Variants in C10orf67 observed in about 807,000 individuals in gnomAD.
C10orf67 encodes uncharacterized protein C10orf67, mitochondrial.
A neutral mutation model predicts 35.6 loss-of-function variants in C10orf67; 60 were observed. The observed-to-expected ratio is 1.68, with a 90% CI of 1.37 to 2.09. The LOEUF is 2.09. C10orf67 is among the 30% of genes most tolerant of loss of function. The probability of loss-of-function intolerance (pLI) is 0.00; values close to 1 mark genes in which losing one functional copy is unlikely to be tolerated. For missense variants in C10orf67, 474 were observed against 330.2 expected (o/e 1.44, Z -3.38); for synonymous variants, 167 against 115.8 (o/e 1.44, Z -2.84).
At chr10:23,224,948 G>C (rs1257638479) in intron 13 of C10orf67, among the ~76,000 whole-genome samples, 1 of 152,204 alleles carries the variant, frequency 6.6e-6, no homozygotes, top group African/African-American at 2.4e-5. Flanking sequence ...ACACTCTGCA[G>C]GATATTATCC....
At chr10:23,276,783 A>C (rs560262108) in intron 8 of C10orf67, among the ~76,000 whole-genome samples, 1 of 152,268 alleles carries the variant, frequency 6.6e-6, no homozygotes, top group South Asian at 2.1e-4. Context: ...CAATTTCCTT[A>C]TGTGGAAATT....
intron 13 of C10orf67, among the ~76,000 whole-genome samples, chr10:23,236,310 G>A (rs1271640788): frequency 6.8e-6 from 1 of 147,084 alleles, no homozygotes; most frequent in Non-Finnish European, 1.5e-5. Flanking sequence ...GCGGGTGCCT[G>A]TAATCCCAGC....
chr10:23,235,012 C>CAAAAAAAAAAAAAAAAAAAACA (rs57049730), intron 13 of C10orf67, among the ~76,000 whole-genome samples: 1 of 76,050 alleles, frequency 1.3e-5, no homozygotes, highest in African/African-American at 4.9e-5. Flanking sequence ...AATTCCATCT[C>CAAAAAAAAAAAAAAAAAAAACA]AAAAAAAAAA....
intron 4 of C10orf67, among the ~76,000 whole-genome samples, chr10:23,314,915 C>T (rs1181474430): frequency 6.6e-6 from 1 of 152,124 alleles, no homozygotes; most frequent in East Asian, 1.9e-4. Flanking sequence ...AATTTAGAAA[C>T]TTGTTCATAG....
Position 23,331,214 on chromosome 10 carries a change from A to C in C10orf67, c.327+1848T>G, listed in dbSNP as rs1323633188. 8.0e-3 allele frequency among the ~76,000 whole-genome samples: 30 copies of C among 3,734 alleles called. 2 individuals carry two copies. The highest frequency in any genetic ancestry group is 0.021 in the Admixed American group (5 of 242). The allele number at this position is 3,734 out of a possible 152,430, so 2.4% of individuals were successfully genotyped here. A position where few individuals can be genotyped will look rare whatever the true frequency, so the allele number is the denominator to read the frequency against. On this transcript the variant is annotated intron_variant, in intron 2 of 15. Coordinates refer to ENST00000636213, the MANE Select transcript of C10orf67 (RefSeq NM_001371909.1). ...GGAAGGGAAGGGAAGGGAAGAGGGA[A>C]GGGAAGGGAAGGGAGGAGGGAAGGG... is the stretch of plus-strand genomic sequence containing the variant.
intron 12 of C10orf67, among the ~76,000 whole-genome samples, chr10:23,242,801 T>C (rs978997569): frequency 5.3e-5 from 8 of 152,044 alleles, no homozygotes; most frequent in Admixed American, 2.0e-4. Context: ...GGTTCATTGG[T>C]TCAAAACAAG....
chr10:23,209,998 TA>T (rs59247961), intron 15 of C10orf67, among the ~76,000 whole-genome samples: 15,473 of 67,094 alleles, frequency 0.23, 1,037 homozygotes, highest in Admixed American at 0.32. Context: ...AGACCTTGGC[TA>T]AAAAAAAAAA....
intron 15 of C10orf67, among the ~76,000 whole-genome samples, chr10:23,205,122 G>T (rs1841123933): frequency 6.6e-6 from 1 of 152,192 alleles, no homozygotes; most frequent in African/African-American, 2.4e-5. Flanking sequence ...TGGTTGGGAG[G>T]TTCAAAGTGG....
chr10:23,328,498 A>C (rs1195925375), intron 2 of C10orf67, among the ~76,000 whole-genome samples: 1 of 152,190 alleles, frequency 6.6e-6, no homozygotes, highest in Non-Finnish European at 1.5e-5. Flanking sequence ...AGCAAAAGTC[A>C]GGCACTAATG....
At chr10:23,276,489 A>G (rs1189657381) in intron 8 of C10orf67, among the ~76,000 whole-genome samples, 3 of 152,002 alleles carry the variant, frequency 2.0e-5, no homozygotes, top group Admixed American at 6.6e-5. Flanking sequence ...CCCTATAAAT[A>G]TATAAAGTGG....
intron 8 of C10orf67, among the ~76,000 whole-genome samples, chr10:23,268,782 C>T (rs11013359): frequency 0.19 from 28,601 of 152,232 alleles, 2,965 homozygotes; most frequent in Admixed American, 0.29. Context: ...GCCCACTACA[C>T]GCCTAGACTT....
chr10:23,242,343 A>G (rs1842206369), intron 12 of C10orf67, among the ~76,000 whole-genome samples: 1 of 152,210 alleles, frequency 6.6e-6, no homozygotes, highest in Non-Finnish European at 1.5e-5. Context: ...TTTCTTCAAT[A>G]ATGAAGATAA....
At chr10:23,336,901 A>T (rs1426759797) in intron 1 of C10orf67, among the ~76,000 whole-genome samples, 1 of 152,220 alleles carries the variant, frequency 6.6e-6, no homozygotes, top group Non-Finnish European at 1.5e-5. Context: ...GAATAAAAGT[A>T]TATAAAATTA....
chr10:23,291,255 A>T lies in C10orf67; in HGVS notation c.727T>A (p.Ser243Thr). 1.4e-6 allele frequency: 1 copy of T among 715,130 alleles called. No individual in the cohort carries two copies. Among genetic ancestry groups the T allele is most frequent in the Non-Finnish European group, 2.6e-6 (1 of 384,584 alleles). The allele number at this position is 715,130 out of a possible 1,614,324, so 44.3% of individuals were successfully genotyped here. A position where few individuals can be genotyped will look rare whatever the true frequency, so the allele number is the denominator to read the frequency against. ...TCCTTTTCTAGGTTTGATTTTGGAG[A>T]GCTGGTTTCTTTGGCAAAAGATTCC... The part of the protein sequence containing the change: ...KMESFAKETS[S>T]PKSNLEKENL... Residue 243 changes from serine to threonine, a missense_variant, in exon 6 of 16, where the codon TCT becomes ACT. Coordinates refer to ENST00000636213, the MANE Select transcript of C10orf67 (RefSeq NM_001371909.1).
intron 4 of C10orf67, among the ~76,000 whole-genome samples, chr10:23,310,404 T>G (rs1844454307): frequency 6.6e-6 from 1 of 152,198 alleles, no homozygotes; most frequent in South Asian, 2.1e-4. Flanking sequence ...AATTTGAGAT[T>G]CTCCAACTAT....
chr10:23,223,887 T>A, intron 13 of C10orf67, 69 bp from the exon 14 acceptor site: 1 of 704,172 alleles, frequency 1.4e-6, no homozygotes, highest in Non-Finnish European at 2.6e-6. Context: ...TGGACGTTAA[T>A]GTTCTCCAGC....
In C10orf67 at chr10:23,228,183, C is replaced by A. The variant is rs187163511; in HGVS notation, c.1435-4365G>T. ...CTGGAGGCATCACACTACCTGACTT[C>A]AAACTATACTACAAGGCTACAGTAA... On this transcript the variant is annotated intron_variant, in intron 13 of 15. Transcript: ENST00000636213. Among the ~76,000 whole-genome samples, 1,381 of 152,294 alleles carry A rather than the reference C, an allele frequency of 9.1e-3. 13 individuals are homozygous for A. Among genetic ancestry groups the A allele is most frequent in the Non-Finnish European group, 0.012 (798 of 68,028 alleles).
At chr10:23,236,976 T>A (rs1842067416) in intron 13 of C10orf67, among the ~76,000 whole-genome samples, 1 of 152,180 alleles carries the variant, frequency 6.6e-6, no homozygotes, top group Admixed American at 6.6e-5. Context: ...GCTGTTCAGA[T>A]TACTTCATCA....
At position 23,250,457 on chromosome 10, in the gene C10orf67, G is replaced by T. The variant is rs1300568829; in HGVS notation, c.1344C>A (p.Asn448Lys). The change falls in exon 12 of 16, where the codon AAC (asparagine) becomes AAA (lysine). Residue 448 changes from asparagine to lysine, a missense_variant and splice_region_variant. Transcript: ENST00000636213. The part of the protein sequence containing the change: ...SWEKRFFILR[N>K]SFHVLKNEMF... ...AATTTGTATATTTCACACCATACCTGTTCCTGAGAATAAAGAATCTCTTTT... is the reference window on the plus strand; with the variant it reads ...AATTTGTATATTTCACACCATACCTTTTCCTGAGAATAAAGAATCTCTTTT... 2 of 398,354 alleles carry T rather than the reference G, an allele frequency of 5.0e-6. No individual in the cohort carries two copies. The highest frequency in any genetic ancestry group is 2.5e-4 in the South Asian group (2 of 7,846). 24.7% of individuals were successfully genotyped at this position (398,354 alleles called of 1,614,324 possible).
Sources: allele counts gnomAD v4.1 joint callset (sites outside exome capture counted in the v4.1 genomes callset), GRCh38; gene constraint gnomAD v4.1.1; transcripts MANE v1.5; gene names NCBI Gene and HGNC (gene_info 2026-07-23, HGNC 2026-07-21).